DTNB: variants seen among roughly 807,000 people sequenced by gnomAD.
The protein encoded by DTNB is DTN-B.
DTNB carries 63 observed loss-of-function variants against 90.7 expected under a neutral mutation model. The ratio of observed to expected loss-of-function variants is 0.69; its 90% confidence interval spans 0.57 to 0.86. DTNB has a LOEUF of 0.86. Ranked by LOEUF, DTNB falls within the 40% of genes least tolerant of loss-of-function variation. The pLI is 0.00. For synonymous variants in DTNB, 277 were observed against 286.7 expected (o/e 0.97, Z 0.34); for missense variants, 744 against 807.1 (o/e 0.92, Z 0.95).
intron 8 of DTNB, among the ~76,000 whole-genome samples, chr2:25,570,406 C>CAAAAAAA (rs146251976): frequency 4.6e-4 from 41 of 89,900 alleles, no homozygotes; most frequent in African/African-American, 1.8e-3. Context: ...TTTCCTGTCT[C>CAAAAAAA]AAAAAAAAAA....
chr2:25,431,610 T>C (rs995558881), intron 14 of DTNB, among the ~76,000 whole-genome samples: 1 of 152,210 alleles, frequency 6.6e-6, no homozygotes, highest in Non-Finnish European at 1.5e-5. Flanking sequence ...TGCTACTACA[T>C]CTAAGATATT....
At chr2:25,433,643 G>A (rs2054697897) in intron 13 of DTNB, among the ~76,000 whole-genome samples, 1 of 152,030 alleles carries the variant, frequency 6.6e-6, no homozygotes, top group Non-Finnish European at 1.5e-5. Flanking sequence ...TTGTGAGAGG[G>A]GGTCACACGG....
intron 1 of DTNB, among the ~76,000 whole-genome samples, chr2:25,658,350 TG>T (rs2148986045): frequency 6.6e-6 from 1 of 152,084 alleles, no homozygotes; most frequent in South Asian, 2.1e-4. Context: ...GCAGTCACGA[TG>T]TGAGAAACCT....
At chr2:25,641,921 C>T (rs973045503) in intron 2 of DTNB, among the ~76,000 whole-genome samples, 15 of 152,096 alleles carry the variant, frequency 9.9e-5, no homozygotes, top group South Asian at 8.3e-4. Flanking sequence ...CCCGGGTTCA[C>T]GCCATTCTCC....
At chr2:25,650,215 CTG>C (rs1309316948) in intron 2 of DTNB, 1 of 985,332 alleles carries the variant, frequency 1.0e-6, no homozygotes, top group Non-Finnish European at 1.2e-6. Context: ...TCAGGAATTA[CTG>C]TGTTTGTGTA....
intron 9 of DTNB, among the ~76,000 whole-genome samples, chr2:25,487,118 A>G (rs962261496): frequency 6.6e-6 from 1 of 152,228 alleles, no homozygotes; most frequent in Admixed American, 6.5e-5. Flanking sequence ...CATCACTGTT[A>G]CTGGGTACCT....
chr2:25,626,766 T>C (rs1207502218), intron 4 of DTNB, among the ~76,000 whole-genome samples: 3 of 152,336 alleles, frequency 2.0e-5, no homozygotes, highest in East Asian at 3.9e-4. Context: ...TTATAAGATA[T>C]AACTAATAGC....
At chr2:25,468,851 C>T (rs1422867567) in intron 10 of DTNB, among the ~76,000 whole-genome samples, 1 of 152,072 alleles carries the variant, frequency 6.6e-6, no homozygotes, top group East Asian at 1.9e-4. Context: ...AATGACTTAT[C>T]CTACAAATAT....
intron 1 of DTNB, among the ~76,000 whole-genome samples, chr2:25,653,505 TTCTTTC>T (rs2081415907): frequency 7.7e-6 from 1 of 129,540 alleles, no homozygotes; most frequent in Non-Finnish European, 1.6e-5. Flanking sequence ...CTTTCTTTCT[TTCTTTC>T]TTTCTTTTTT....
At chr2:25,626,104 T>TA (rs2074097182) in intron 4 of DTNB, among the ~76,000 whole-genome samples, 1 of 152,200 alleles carries the variant, frequency 6.6e-6, no homozygotes, top group African/African-American at 2.4e-5. Flanking sequence ...GGCATTTTGT[T>TA]AGAGCAGCCC....
intron 16 of DTNB, among the ~76,000 whole-genome samples, chr2:25,402,787 C>T (rs945799562): frequency 2.0e-5 from 3 of 152,126 alleles, no homozygotes; most frequent in Non-Finnish European, 4.4e-5. Flanking sequence ...TTTGTGATCA[C>T]GGTGTTGCCA....
chr2:25,472,195 C>T (rs1213407359), intron 10 of DTNB, among the ~76,000 whole-genome samples: 1 of 152,180 alleles, frequency 6.6e-6, no homozygotes, highest in Non-Finnish European at 1.5e-5. Context: ...ACAGCTACTA[C>T]GATACTATGA....
At position 25,616,954 on chromosome 2, in the gene DTNB, G is replaced by GAAAAAAAAAAAAAAAAAAAAAAAAAAAA; in HGVS notation, c.363-9634_363-9633insTTTTTTTTTTTTTTTTTTTTTTTTTTTT. Among the ~76,000 whole-genome samples, 2 of 97,452 alleles carry GAAAAAAAAAAAAAAAAAAAAAAAAAAAA rather than the reference G, an allele frequency of 2.1e-5. 1 individual carries two copies. Among genetic ancestry groups the GAAAAAAAAAAAAAAAAAAAAAAAAAAAA allele is most frequent in the Non-Finnish European group, 3.9e-5 (2 of 51,654 alleles). The allele number at this position is 97,452 out of a possible 152,430, so 63.9% of individuals were successfully genotyped here. On this transcript the variant is annotated intron_variant, in intron 4 of 20. Coordinates refer to ENST00000406818, the MANE Select transcript of DTNB (RefSeq NM_021907.5). Reference sequence around the variant, plus strand: ...CTCAAAAAAAAAAAAAAAAAAAAAGGAAAAAAAAGACTCATTAACCCCTCA... The same window carrying GAAAAAAAAAAAAAAAAAAAAAAAAAAAA: ...CTCAAAAAAAAAAAAAAAAAAAAAGGAAAAAAAAAAAAAAAAAAAAAAAAAAAAAAAAAAAAGACTCATTAACCCCTCA...
intron 9 of DTNB, 46 bp downstream of exon 9, chr2:25,531,426 GC>G: frequency 6.4e-7 from 1 of 1,569,992 alleles, no homozygotes; most frequent in Non-Finnish European, 8.6e-7. Context: ...ATTTCACAAG[GC>G]CCCCATTTCA....
intron 3 of DTNB, among the ~76,000 whole-genome samples, chr2:25,636,261 AAAAGT>A (rs1431854108): frequency 6.6e-6 from 1 of 152,220 alleles, no homozygotes; most frequent in Non-Finnish European, 1.5e-5. Context: ...CCTTTCAACA[AAAAGT>A]AAAGGAACAA....
At chr2:25,653,602 C>T (rs1239609093) in intron 1 of DTNB, among the ~76,000 whole-genome samples, 2 of 149,540 alleles carry the variant, frequency 1.3e-5, no homozygotes, top group African/African-American at 4.9e-5. Context: ...ACCTCCGACT[C>T]CCGGGTTCAA....
chr2:25,395,122 C>T (rs576712115), intron 16 of DTNB, among the ~76,000 whole-genome samples: 2 of 152,158 alleles, frequency 1.3e-5, no homozygotes, highest in Non-Finnish European at 2.9e-5. Flanking sequence ...AGTGAAGTAA[C>T]TCAGGAATGG....
chr2:25,410,544 T>C (rs1279239981), intron 16 of DTNB, among the ~76,000 whole-genome samples: 1 of 152,180 alleles, frequency 6.6e-6, no homozygotes. Context: ...TTTGTTCATC[T>C]ATGATGCTTT....
intron 5 of DTNB, chr2:25,596,500 T>A (rs2148409513): frequency 4.0e-6 from 1 of 250,806 alleles, no homozygotes; most frequent in East Asian, 9.1e-5. Context: ...ATCCTACTTT[T>A]GAGTGTTTAA....
Sources: gnomAD v4.1 joint callset for allele counts (sites outside exome capture counted in the v4.1 genomes callset) on GRCh38, gnomAD v4.1.1 for gene constraint, MANE v1.5 for transcripts, NCBI Gene and HGNC (gene_info 2026-07-23, HGNC 2026-07-21) for gene names.